TTN: variants seen among roughly 807,000 people sequenced by gnomAD.
TTN encodes titin, also known as connectin.
In TTN, 1,525 loss-of-function variants were observed where a neutral mutation model predicts 3,223.0. That is an observed-to-expected ratio of 0.47 (90% CI 0.45 to 0.49). The LOEUF (loss-of-function observed/expected upper bound fraction) is 0.49. Among genes scored for constraint, TTN ranks in the 20% least tolerant of loss-of-function variants. The probability of loss-of-function intolerance (pLI) is 0.00; values close to 1 mark genes in which losing one functional copy is unlikely to be tolerated. For synonymous variants in TTN, 14,094 were observed against 15,161.0 expected, an observed-to-expected ratio of 0.93 and a Z score of 5.17; for missense variants, 40,786 against 43,424.0, an observed-to-expected ratio of 0.94 and a Z score of 5.40.
In TTN at chr2:178,574,519, A is replaced by G. The variant is rs1060503938; in HGVS notation, c.71613T>C (p.Ile23871=). 2.5e-6 allele frequency: 4 copies of G among 1,613,602 alleles called. No individual in the cohort carries two copies. Among genetic ancestry groups the G allele is most frequent in the South Asian group, 1.1e-5 (1 of 91,074 alleles). The change falls in exon 326 of 363, where the codon ATT becomes ATC. Residue 23871 remains isoleucine, a synonymous_variant. Coordinates refer to ENST00000589042, the MANE Select transcript of TTN (RefSeq NM_001267550.2). ...YHVERKERNG[I]LWQTVSKALV... ...AAGCTTTGCTCACAGTCTGCCAGAG[A>G]ATACCATTTCGTTCTTTTCTTTCAA...
chr2:178,615,176 A>T, intron 259 of TTN, 131 bp downstream of exon 259: 1 of 1,198,878 alleles, frequency 8.3e-7, no homozygotes, highest in Non-Finnish European at 1.2e-6. Flanking sequence ...CAGCACCTTT[A>T]AAAATCAGAC....
rs762970043 is a variant in TTN at position 178,570,864 on chromosome 2, A to T, written c.75268T>A (p.Phe25090Ile). 3 of 1,613,464 alleles carry T rather than the reference A, an allele frequency of 1.9e-6. No homozygotes were observed. ...CCTGTGCTTTCTGAAGGCTCACTAA[A>T]CACTCCTGCGGCATTTCGGGCTATA... ...RVIARNAAGV[F>I]SEPSESTGAI... Residue 25090 changes from phenylalanine to isoleucine, a missense_variant, in exon 326 of 363, where the codon TTT becomes ATT. Coordinates refer to ENST00000589042, the MANE Select transcript of TTN (RefSeq NM_001267550.2).
At chr2:178,628,248 C>G (rs1251324399) in intron 240 of TTN, among the ~76,000 whole-genome samples, 1 of 152,036 alleles carries the variant, frequency 6.6e-6, no homozygotes, top group Non-Finnish European at 1.5e-5. Flanking sequence ...GAAGGCATTG[C>G]TTTCAAATAC....
intron 17 of TTN, 149 bp from the exon 18 acceptor site, chr2:178,783,213 C>G (rs958610529): frequency 1.3e-6 from 1 of 749,074 alleles, no homozygotes; most frequent in African/African-American, 1.8e-5. Context: ...AGTAGAGAAA[C>G]TAATATTTAT....
In TTN at chr2:178,591,387, G is replaced by A. The variant is rs766111834; in HGVS notation, c.60338C>T (p.Thr20113Ile). ...GGTTTTAATCTCACTCCCATCGGTT[G>A]TCCACTTTGCAGTAGGAACAGGCAC... ...RGVPVPTAKW[T>I]TDGSEIKTDE... The change falls in exon 304 of 363, where the codon ACA (threonine) becomes ATA (isoleucine). Residue 20113 changes from threonine (T) to isoleucine (I), a missense_variant. Transcript: ENST00000589042. 1.9e-6 allele frequency: 3 copies of A among 1,613,028 alleles called. No homozygotes were observed. The Admixed American group carries it at 5.0e-5, about 27-fold the overall frequency.
rs779951187 is a variant in TTN at position 178,591,167 on chromosome 2, A to C, written c.60558T>G (p.Pro20186=). The C allele has an allele frequency of 1.2e-6, 2 of 1,613,366 alleles. No individual in the cohort carries two copies. The highest frequency in any genetic ancestry group is 2.2e-5 in the East Asian group (1 of 44,766). The stretch of plus-strand genomic sequence containing the variant: ...GCTGCCATGAGATAGTCATGTGTTC[A>C]GGAGTAACATCCAGAATATTAATAG... ...TGPINILDVT[P]EHMTISWQPP... is the part of the protein sequence containing the mutation. The change falls in exon 304 of 363, where the codon CCT becomes CCG. Residue 20186 remains proline (P), a synonymous_variant. Transcript: ENST00000589042.
chr2:178,745,387 A>G (rs1310466926), intron 47 of TTN: 3 of 1,419,742 alleles, frequency 2.1e-6, no homozygotes, highest in Non-Finnish European at 2.8e-6. Flanking sequence ...TGATGATTCC[A>G]CAGTTCAGAT....
rs1553590427 is a variant in TTN, at chr2:178,566,789, A to C, written c.79343T>G (p.Val26448Gly). ...KRRITDLRLR[V>G]TGLTEDHEYE... Reference sequence around the variant, plus strand: ...CTCATGATCTTCTGTTAATCCTGTCACTCTTAGACGCAAATCTGTAATGCG... The same window carrying C: ...CTCATGATCTTCTGTTAATCCTGTCCCTCTTAGACGCAAATCTGTAATGCG... Residue 26448 changes from valine to glycine, a missense_variant, in exon 326 of 363, where the codon GTG becomes GGG. Transcript: ENST00000589042. 3.1e-6 allele frequency: 5 copies of C among 1,613,272 alleles called. No homozygotes were observed. The highest frequency in any genetic ancestry group is 4.2e-6 in the Non-Finnish European group (5 of 1,179,660).
chr2:178,673,739 A>G (rs779156723), intron 151 of TTN, 29 bp from the exon 152 acceptor site: 2 of 1,556,366 alleles, frequency 1.3e-6, no homozygotes, highest in Admixed American at 3.7e-5. Flanking sequence ...AACATTTTGA[A>G]AAGTGGCATG....
rs181368620 is a variant in TTN at position 178,782,008 on chromosome 2, T to C, written c.3380+204A>G. On this transcript the variant is annotated intron_variant, in intron 20 of 362. Transcript: ENST00000589042. The stretch of plus-strand genomic sequence containing the variant: ...TTAAACTATAATGTAAAGAAATATA[T>C]CTTCCATCCACTTTTGTCACATAGC... Among the ~76,000 whole-genome samples the C allele has an allele frequency of 2.6e-5, 4 of 152,246 alleles. No homozygotes were observed. In the East Asian group the frequency reaches 7.7e-4, roughly 29 times the overall value.
In TTN at chr2:178,783,891, T is replaced by C. The variant is rs898903450; in HGVS notation, c.2776-106A>G. On this transcript the variant is annotated intron_variant, in intron 16 of 362. Coordinates refer to ENST00000589042, the MANE Select transcript of TTN (RefSeq NM_001267550.2). ...ATAATTATAAAAATATAAAAATAAT[T>C]ATAAAAATAATTTGAGAAAATGATC... 5 of 1,044,642 alleles carry C rather than the reference T, an allele frequency of 4.8e-6. No homozygotes were observed. The East Asian group carries it at 1.5e-4, about 32-fold the overall frequency. 64.7% of individuals were successfully genotyped at this position (1,044,642 alleles called of 1,614,324 possible).
At chr2:178,721,628 CAA>C (rs1474264205) in intron 78 of TTN, among the ~76,000 whole-genome samples, 2 of 151,914 alleles carry the variant, frequency 1.3e-5, no homozygotes, top group Non-Finnish European at 2.9e-5. Context: ...TTCAATTAAA[CAA>C]TACTTTTTGA....
chr2:178,694,141 G>A lies in TTN; in HGVS notation c.31427-133C>T, dbSNP rs896361280. 24 of 628,944 alleles carry A rather than the reference G, an allele frequency of 3.8e-5. No homozygotes were observed. The East Asian group carries it at 4.3e-4, about 11-fold the overall frequency. 39.0% of individuals were successfully genotyped at this position (628,944 alleles called of 1,614,324 possible). A position where few individuals can be genotyped will look rare whatever the true frequency, so the allele number is the denominator to read the frequency against. On this transcript the variant is annotated intron_variant, in intron 117 of 362. Transcript: ENST00000589042. ...ATATGGTAGCTTGAGAACAAATTCA[G>A]TATTGACAAGAAAACAAATCATGTT...
chr2:178,558,796 A>C (rs1230155091), intron 326 of TTN, 159 bp from the exon 327 acceptor site: 16 of 753,698 alleles, frequency 2.1e-5, no homozygotes, highest in Non-Finnish European at 2.7e-5. Flanking sequence ...TTCTGAACCA[A>C]CCAAGGCTCC....
In TTN at chr2:178,634,531, T is replaced by C; in HGVS notation, c.42250A>G (p.Ile14084Val). ...ATTATATCAGGTCCTTTGGACCATA[T>C]AACATTTGCCTCTCGGGTGAGGACA... ...ECVLTREANV[I>V]WSKGPDIIKS... is the part of the protein sequence containing the mutation. Residue 14084 changes from isoleucine (I) to valine (V), a missense_variant, in exon 230 of 363, where the codon ATA becomes GTA. Physicochemically the swap from Ile to Val is conservative, Grantham distance 29 (BLOSUM62 3). Coordinates refer to ENST00000589042, the MANE Select transcript of TTN (RefSeq NM_001267550.2). This position sits in a 1 kb window ranked among gnomAD's most constrained non-coding sequence, Gnocchi z 4.6. The C allele has an allele frequency of 6.2e-7, 1 of 1,613,390 alleles. No individual in the cohort carries two copies.
rs2060432965 is a variant in TTN, at chr2:178,636,330, G to A, written c.41329+68C>T. 6.6e-7 allele frequency: 1 copy of A among 1,511,518 alleles called. No homozygotes were observed. Among genetic ancestry groups the A allele is most frequent in the Non-Finnish European group, 8.8e-7 (1 of 1,131,220 alleles). The allele number at this position is 1,511,518 out of a possible 1,614,324, so 93.6% of individuals were successfully genotyped here. On this transcript the variant is annotated intron_variant, in intron 225 of 362. Transcript: ENST00000589042. The surrounding 1 kb of genome is among the most constrained non-coding windows in gnomAD (Gnocchi z 4.3). ...ATAAGAGGTTTTGTAAAACTACAATGCAAGTTGCTACTAAGGTTTGTTACA... is the reference window on the plus strand; with the variant it reads ...ATAAGAGGTTTTGTAAAACTACAATACAAGTTGCTACTAAGGTTTGTTACA...
In TTN at chr2:178,773,168, T is replaced by A. The variant is rs2091784595; in HGVS notation, c.7796A>T (p.Glu2599Val). Residue 2599 changes from glutamate to valine, a missense_variant, in exon 33 of 363, where the codon GAA becomes GTA. Transcript: ENST00000589042. Reference sequence around the variant, plus strand: ...TCCCGCGTAAAATGTGTATTTTCCTTCATCATCTTTCATCATATTTAGAAC... The same window carrying A: ...TCCCGCGTAAAATGTGTATTTTCCTACATCATCTTTCATCATATTTAGAAC... Reference protein sequence around the residue: ...LTVLNMMKDDEGKYTFYAGEN... With the variant: ...LTVLNMMKDDVGKYTFYAGEN... The A allele has an allele frequency of 6.2e-7, 1 of 1,613,692 alleles. No homozygotes were observed. The highest frequency in any genetic ancestry group is 1.7e-5 in the Admixed American group (1 of 59,948).
chr2:178,789,926 C>A, intron 12 of TTN, 52 bp downstream of exon 12: 3 of 1,607,738 alleles, frequency 1.9e-6, no homozygotes, highest in Non-Finnish European at 2.6e-6. Context: ...TAATAGTTTA[C>A]TAGAAATTAG....
Position 178,575,224 on chromosome 2 carries a change from A to G in TTN, c.70908T>C (p.Arg23636=). The G allele has an allele frequency of 6.2e-7, 1 of 1,612,968 alleles. No homozygotes were observed. Among genetic ancestry groups the G allele is most frequent in the Admixed American group, 1.7e-5 (1 of 59,948 alleles). Residue 23636 remains arginine, a synonymous_variant, in exon 326 of 363, where the codon CGT becomes CGC. Transcript: ENST00000589042. The surrounding 1 kb of genome is among the most constrained non-coding windows in gnomAD (Gnocchi z 4.0). The part of the protein sequence containing the change: ...EQTMLPELDL[R]GIYQKLVIAK... ...CAATGACCAGTTTCTGATAGATGCC[A>G]CGGAGATCCAGCTCTGGAAGCATTG...
Sources: allele counts gnomAD v4.1 joint callset (sites outside exome capture counted in the v4.1 genomes callset), GRCh38; gene constraint gnomAD v4.1.1; non-coding constraint Gnocchi (gnomAD v3.1); transcripts MANE v1.5; gene names NCBI Gene and HGNC (gene_info 2026-07-23, HGNC 2026-07-21).